The following LPIN1 variants were observed in gnomAD, a reference collection of about 807,000 sequenced individuals.
LPIN1 encodes phosphatidate phosphatase LPIN1.
Under a neutral mutation model 107.5 loss-of-function variants are expected in LPIN1, and 71 were observed. The ratio of observed to expected loss-of-function variants is 0.66; its 90% confidence interval spans 0.55 to 0.80. The LOEUF is 0.80. Ranked by LOEUF, LPIN1 falls within the 30% of genes least tolerant of loss-of-function variation. LPIN1 has a pLI of 0.00. For synonymous variants in LPIN1, 445 were observed against 452.6 expected, an observed-to-expected ratio of 0.98 and a Z score of 0.21; for missense variants, 1,043 against 1,160.6, an observed-to-expected ratio of 0.90 and a Z score of 1.47.
intron 14 of LPIN1, among the ~76,000 whole-genome samples, chr2:11,798,351 G>A (rs910614648): frequency 6.6e-6 from 1 of 152,150 alleles, no homozygotes; most frequent in African/African-American, 2.4e-5. Context: ...GGAGGGGCCC[G>A]TACACAGTGG....
intron 17 of LPIN1, among the ~76,000 whole-genome samples, chr2:11,810,410 G>C (rs1370929479): frequency 6.6e-6 from 1 of 152,194 alleles, no homozygotes; most frequent in East Asian, 1.9e-4. Context: ...GAGACGAGCA[G>C]GTACTGGGTG....
At chr2:11,730,854 T>A (rs62113293) in intron 1 of LPIN1, among the ~76,000 whole-genome samples, 8,944 of 152,236 alleles carry the variant, frequency 0.059, 376 homozygotes, top group Middle Eastern at 0.15. Context: ...ACCTACCCTC[T>A]GCACTACACC....
chr2:11,800,044 C>T (rs373985060), intron 14 of LPIN1, among the ~76,000 whole-genome samples: 17 of 152,310 alleles, frequency 1.1e-4, no homozygotes, highest in African/African-American at 2.9e-4. Flanking sequence ...GTTCCCATGG[C>T]GTATTCCCCC....
rs907669109 is a variant in LPIN1 at position 11,774,800 on chromosome 2, C to T, written c.722+1055C>T. Among the ~76,000 whole-genome samples the T allele has an allele frequency of 1.3e-5, 2 of 152,066 alleles. No individual in the cohort carries two copies. Among genetic ancestry groups the T allele is most frequent in the African/African-American group, 4.8e-5 (2 of 41,382 alleles). Reference sequence around the variant, plus strand: ...GATATGTCCCATGCCTGGTTTCCAGCCAATACTGATGTCGCGGGTTAGTCC... The same window carrying T: ...GATATGTCCCATGCCTGGTTTCCAGTCAATACTGATGTCGCGGGTTAGTCC... On this transcript the variant is annotated intron_variant, in intron 5 of 20. Coordinates refer to ENST00000674199, the MANE Select transcript of LPIN1 (RefSeq NM_001349206.2). The surrounding 1 kb of genome is among the most constrained non-coding windows in gnomAD (Gnocchi z 4.4).
chr2:11,805,246 G>T, intron 17 of LPIN1, 90 bp downstream of exon 17: 1 of 1,058,446 alleles, frequency 9.4e-7, no homozygotes, highest in Non-Finnish European at 1.5e-6. Flanking sequence ...CCCAGCACGG[G>T]GTGACTTGCA....
intron 2 of LPIN1, among the ~76,000 whole-genome samples, chr2:11,716,471 G>C (rs946666244): frequency 6.6e-6 from 1 of 151,916 alleles, no homozygotes; most frequent in African/African-American, 2.4e-5. Context: ...CCCTGACACT[G>C]TCCCCCTCTC....
chr2:11,766,480 A>G (rs550348817), intron 2 of LPIN1, among the ~76,000 whole-genome samples: 3 of 152,230 alleles, frequency 2.0e-5, no homozygotes, highest in Non-Finnish European at 4.4e-5. Context: ...AGGAAGGGGC[A>G]AAGAGACCAG....
At position 11,808,541 on chromosome 2, in the gene LPIN1, G is replaced by A. The variant is rs141664810; in HGVS notation, c.2249+3385G>A. ...TTTTGCTTCCCTTAAATTTGGGTAC[G>A]ACTTACATTTTATGCACTGTAGTAT... On this transcript the variant is annotated intron_variant, in intron 17 of 20. Coordinates refer to ENST00000674199, the MANE Select transcript of LPIN1 (RefSeq NM_001349206.2). Among the ~76,000 whole-genome samples, 316 of 152,232 alleles carry A rather than the reference G, an allele frequency of 2.1e-3. 2 individuals carry two copies. Among genetic ancestry groups the A allele is most frequent in the African/African-American group, 6.8e-3 (282 of 41,530 alleles).
At chr2:11,713,913 C>A in intron 2 of LPIN1, 1 of 813,036 alleles carries the variant, frequency 1.2e-6, no homozygotes. Context: ...TGGCTATCTG[C>A]AGTCTCCAAG....
chr2:11,762,139 G>A (rs934938258), intron 1 of LPIN1, among the ~76,000 whole-genome samples: 1 of 151,936 alleles, frequency 6.6e-6, no homozygotes, highest in African/African-American at 2.4e-5. Context: ...ATCGGCTCAC[G>A]GAACTCAGGG....
chr2:11,721,987 C>T (rs1664180774), upstream of LPIN1: 1 of 152,188 alleles, frequency 6.6e-6, no homozygotes, highest in Admixed American at 6.5e-5. Flanking sequence ...AAGCTTAACA[C>T]AGAATTATCC....
chr2:11,728,204 A>T (rs1664848472), intron 1 of LPIN1, among the ~76,000 whole-genome samples: 1 of 152,168 alleles, frequency 6.6e-6, no homozygotes, highest in Admixed American at 6.5e-5. Flanking sequence ...GTTTGGACCA[A>T]TGCATAGAGT....
intron 1 of LPIN1, among the ~76,000 whole-genome samples, chr2:11,761,585 A>G (rs1358031426): frequency 1.3e-5 from 2 of 152,100 alleles, no homozygotes; most frequent in African/African-American, 4.8e-5. Flanking sequence ...CTTTGTAGGT[A>G]TCATTCATGA....
Position 11,803,447 on chromosome 2 carries a change from G to T in LPIN1, c.2013+414G>T, listed in dbSNP as rs1678129035. Among the ~76,000 whole-genome samples, 1 of 152,190 alleles carries T rather than the reference G, an allele frequency of 6.6e-6. No homozygotes were observed. Among genetic ancestry groups the T allele is most frequent in the Non-Finnish European group, 1.5e-5 (1 of 68,036 alleles). ...TCAAGCAGTTGTGATAGAATTTAGA[G>T]AATTTCAGGTAACCAGGGGCATCAC... is the stretch of plus-strand genomic sequence containing the variant. On this transcript the variant is annotated intron_variant, in intron 15 of 20. Coordinates refer to ENST00000674199, the MANE Select transcript of LPIN1 (RefSeq NM_001349206.2). This position sits in a 1 kb window ranked among gnomAD's most constrained non-coding sequence, Gnocchi z 4.2.
At chr2:11,787,035 T>G (rs780189916) in intron 10 of LPIN1, 39 bp from the exon 11 acceptor site, 1 of 1,448,754 alleles carries the variant, frequency 6.9e-7, no homozygotes, top group South Asian at 1.1e-5. Flanking sequence ...CTGAATTTTC[T>G]TTTTGTTTTT....
chr2:11,741,554 C>G (rs1247020456), intron 2 of LPIN1: 1 of 725,096 alleles, frequency 1.4e-6, no homozygotes, highest in African/African-American at 1.8e-5. Context: ...CACTCGAGCT[C>G]AGGAGTTTGA....
chr2:11,777,444 A>G (rs1481106976), intron 6 of LPIN1: 1 of 151,980 alleles, frequency 6.6e-6, no homozygotes, highest in East Asian at 1.9e-4. Flanking sequence ...TTATGAAGGG[A>G]CCAGAATGTT....
intron 1 of LPIN1, among the ~76,000 whole-genome samples, chr2:11,759,173 C>CTTTCTTTCTTTCTTTCT (rs1270997158): frequency 6.9e-6 from 1 of 145,438 alleles, no homozygotes; most frequent in Admixed American, 6.8e-5. Context: ...TTCTTTCTTT[C>CTTTCTTTCTTTCTTTCT]TTTCTTTCTT....
chr2:11,741,047 G>A (rs944086053), intron 1 of LPIN1: 8 of 226,198 alleles, frequency 3.5e-5, no homozygotes, highest in African/African-American at 1.1e-4. Flanking sequence ...ATTTGGGCAC[G>A]AAAGAGATCT....
Sources: allele counts gnomAD v4.1 joint callset (sites outside exome capture counted in the v4.1 genomes callset), GRCh38; gene constraint gnomAD v4.1.1; non-coding constraint Gnocchi (gnomAD v3.1); transcripts MANE v1.5; gene names NCBI Gene and HGNC (gene_info 2026-07-23, HGNC 2026-07-21).